Variants in GLYR1 observed in about 807,000 individuals in gnomAD.
GLYR1 encodes glyoxylate reductase 1 homolog.
Under a neutral mutation model 72.7 loss-of-function variants are expected in GLYR1, and 21 were observed. The observed-to-expected ratio is 0.29, with a 90% CI of 0.20 to 0.42. The LOEUF (loss-of-function observed/expected upper bound fraction) is 0.42. Ranked by LOEUF, GLYR1 falls within the 10% of genes least tolerant of loss-of-function variation. The probability of loss-of-function intolerance (pLI) is 1.00; values close to 1 mark genes in which losing one functional copy is unlikely to be tolerated. For synonymous variants in GLYR1, 392 were observed against 270.2 expected, an observed-to-expected ratio of 1.45 and a Z score of -4.42; for missense variants, 594 against 712.1, an observed-to-expected ratio of 0.83 and a Z score of 1.89.
intron 10 of GLYR1, among the ~76,000 whole-genome samples, chr16:4,815,789 A>AT (rs879945379): frequency 1.9e-3 from 278 of 146,728 alleles, no homozygotes; most frequent in African/African-American, 4.9e-3. Flanking sequence ...CAACTGTTTC[A>AT]TTTTTTTTTT....
chr16:4,821,576 T>A lies in GLYR1; in HGVS notation c.703A>T (p.Ile235Phe), dbSNP rs372944153. 8.7e-6 allele frequency: 14 copies of A among 1,613,936 alleles called. No individual in the cohort carries two copies. The South Asian group carries it at 1.5e-4, about 18-fold the overall frequency. The change falls in exon 8 of 16, where the codon ATC (isoleucine) becomes TTC (phenylalanine). Residue 235 changes from isoleucine to phenylalanine, a missense_variant. Around this residue, in one of 5 missense-constraint regions of GLYR1, gnomAD observed 252 missense variants for 211.3 expected, o/e 1.19. Transcript: ENST00000321919. Reference protein sequence around the residue: ...TEKPAVCYQAITKKLKICEEE... With the variant: ...TEKPAVCYQAFTKKLKICEEE... Reference sequence around the variant, plus strand: ...TCACATATTTTCAACTTCTTCGTGATTGCCTGGTAACAGACAGCTGGCTAA... The same window carrying A: ...TCACATATTTTCAACTTCTTCGTGAATGCCTGGTAACAGACAGCTGGCTAA...
intron 5 of GLYR1, among the ~76,000 whole-genome samples, chr16:4,830,800 C>T (rs1015401634): frequency 1.3e-4 from 20 of 152,208 alleles, no homozygotes; most frequent in African/African-American, 3.1e-4. Context: ...TGCTTTATCT[C>T]ATCTTGCTAG....
intron 2 of GLYR1, among the ~76,000 whole-genome samples, chr16:4,845,926 G>A (rs1198870437): frequency 1.3e-5 from 2 of 151,990 alleles, no homozygotes; most frequent in African/African-American, 2.4e-5. Flanking sequence ...AATTATTTCC[G>A]GGGTTAAAAA....
Position 4,830,092 on chromosome 16 carries a change from C to T in GLYR1, c.537+1887G>A, listed in dbSNP as rs1032058262. Among the ~76,000 whole-genome samples, 4 of 152,180 alleles carry T rather than the reference C, an allele frequency of 2.6e-5. No homozygotes were observed. The South Asian group carries it at 8.3e-4, about 32-fold the overall frequency. The stretch of plus-strand genomic sequence containing the variant: ...GTGCTAGGATTACAGGTGTGAGCTA[C>T]CATGCCTGGCCAATTTTTTAGTTTT... On this transcript the variant is annotated intron_variant, in intron 5 of 15. Transcript: ENST00000321919.
rs1216101090 is a variant in GLYR1 at position 4,805,233 on chromosome 16, A to G, written c.*3T>C. On this transcript the variant is annotated 3_prime_UTR_variant, in exon 16 of 16. Coordinates refer to ENST00000321919, the MANE Select transcript of GLYR1 (RefSeq NM_032569.4). ...GGAGGGGTGAGGGCGGGGTGTCGAC[A>G]GCTTAGTGTATGTAGGCTCGGTACA... 6.2e-7 allele frequency: 1 copy of G among 1,613,776 alleles called. No individual in the cohort carries two copies. Among genetic ancestry groups the G allele is most frequent in the Non-Finnish European group, 8.5e-7 (1 of 1,179,898 alleles).
At chr16:4,846,970 C>G in intron 1 of GLYR1, 1 of 516,114 alleles carries the variant, frequency 1.9e-6, no homozygotes, top group Non-Finnish European at 3.4e-6. Context: ...CCGCCAGTAT[C>G]TGGGCCCCGA....
intron 11 of GLYR1, 26 bp downstream of exon 11, chr16:4,814,511 G>A (rs771622747): frequency 2.6e-5 from 41 of 1,568,448 alleles, no homozygotes; most frequent in Non-Finnish European, 3.5e-5. Flanking sequence ...ACCCGGAGTT[G>A]CTGAGGGGAG....
chr16:4,823,031 G>A lies in GLYR1; in HGVS notation c.625-100C>T, dbSNP rs1211154321. 5 of 959,332 alleles carry A rather than the reference G, an allele frequency of 5.2e-6. No individual in the cohort carries two copies. In the Admixed American group the frequency reaches 5.5e-5, roughly 11 times the overall value. 59.4% of individuals were successfully genotyped at this position (959,332 alleles called of 1,614,324 possible). A position where few individuals can be genotyped will look rare whatever the true frequency, so the allele number is the denominator to read the frequency against. The stretch of plus-strand genomic sequence containing the variant: ...CTCTCCTCTGGCTGCAACACCTCTG[G>A]ATTCTGGTCTCTTTTTCACAATTGT... On this transcript the variant is annotated intron_variant, in intron 6 of 15. Transcript: ENST00000321919.
intron 10 of GLYR1, among the ~76,000 whole-genome samples, chr16:4,817,149 T>G (rs2083693102): frequency 1.3e-5 from 2 of 150,764 alleles, no homozygotes; most frequent in Non-Finnish European, 3.0e-5. Flanking sequence ...AGACGGAGTC[T>G]TGCTCTGTCG....
chr16:4,804,797 G>A lies in GLYR1; in HGVS notation c.*439C>T, dbSNP rs1469572258. ...CATGACTACAGCCTCTTCGCTCTGG[G>A]GGAAGCTGTGGGAAGGCTTCCAACT... On this transcript the variant is annotated 3_prime_UTR_variant, in exon 16 of 16. Transcript: ENST00000321919. The A allele has an allele frequency of 1.5e-5, 3 of 202,788 alleles. No homozygotes were observed. The highest frequency in any genetic ancestry group is 2.3e-5 in the African/African-American group (1 of 44,330). 12.6% of individuals were successfully genotyped at this position (202,788 alleles called of 1,614,324 possible).
rs1226047210 is a variant in GLYR1, at chr16:4,804,435, A to C, written c.*801T>G. On this transcript the variant is annotated 3_prime_UTR_variant, in exon 16 of 16. Transcript: ENST00000321919. ...ATGGAATGCAAATCCAAATACTAAA[A>C]CAGCCTAGGGAGGAGCGAGCGCCCG... The C allele has an allele frequency of 2.6e-5, 4 of 152,788 alleles. No individual in the cohort carries two copies. The highest frequency in any genetic ancestry group is 7.2e-5 in the African/African-American group (3 of 41,444). 9.5% of individuals were successfully genotyped at this position (152,788 alleles called of 1,614,324 possible). A position where few individuals can be genotyped will look rare whatever the true frequency, so the allele number is the denominator to read the frequency against.
At position 4,811,302 on chromosome 16, in the gene GLYR1, G is replaced by T; in HGVS notation, c.1463-8C>A. The T allele has an allele frequency of 1.2e-6, 2 of 1,612,438 alleles. No homozygotes were observed. The highest frequency in any genetic ancestry group is 1.1e-5 in the South Asian group (1 of 90,706). Reference sequence around the variant, plus strand: ...AGTTTCCTTGCAGGATATCTGAGGAGAAAAAGCCAGTATCAGACAAAAGCC... The same window carrying T: ...AGTTTCCTTGCAGGATATCTGAGGATAAAAAGCCAGTATCAGACAAAAGCC... On this transcript the variant is annotated splice_polypyrimidine_tract_variant and splice_region_variant and intron_variant, in intron 14 of 15. Coordinates refer to ENST00000321919, the MANE Select transcript of GLYR1 (RefSeq NM_032569.4).
chr16:4,809,188 GTTT>G (rs1263215689), intron 15 of GLYR1, among the ~76,000 whole-genome samples: 7 of 95,278 alleles, frequency 7.3e-5, no homozygotes, highest in Admixed American at 1.2e-4. Context: ...AGCAGCTTTC[GTTT>G]TTTTTTTTTT....
chr16:4,824,281 G>A (rs997236988), intron 5 of GLYR1, among the ~76,000 whole-genome samples: 10 of 151,990 alleles, frequency 6.6e-5, no homozygotes, highest in African/African-American at 2.2e-4. Context: ...TTGGGAGGCC[G>A]AGGCAGGCAG....
At chr16:4,806,269 A>T (rs2082962454) in intron 15 of GLYR1, among the ~76,000 whole-genome samples, 1 of 152,226 alleles carries the variant, frequency 6.6e-6, no homozygotes, top group East Asian at 1.9e-4. Context: ...ACCCTGCCTT[A>T]AAGGATGAGG....
chr16:4,846,068 T>C, intron 2 of GLYR1, 106 bp downstream of exon 2: 3 of 1,262,238 alleles, frequency 2.4e-6, no homozygotes, highest in Admixed American at 1.7e-5. Flanking sequence ...GCCATCTGAA[T>C]GAGCCCAATT....
chr16:4,827,886 C>T (rs776473997), intron 5 of GLYR1, among the ~76,000 whole-genome samples: 1 of 151,744 alleles, frequency 6.6e-6, no homozygotes, highest in Non-Finnish European at 1.5e-5. Flanking sequence ...GGCGACAGCA[C>T]GAGACTCCGT....
At chr16:4,838,887 A>G (rs925242542) in intron 3 of GLYR1, among the ~76,000 whole-genome samples, 1 of 151,976 alleles carries the variant, frequency 6.6e-6, no homozygotes, top group Non-Finnish European at 1.5e-5. Flanking sequence ...GTGCCTGGCC[A>G]AAACTCTTCT....
At chr16:4,823,164 G>C (rs1437215637) in intron 6 of GLYR1, among the ~76,000 whole-genome samples, 1 of 152,234 alleles carries the variant, frequency 6.6e-6, no homozygotes, top group East Asian at 1.9e-4. Context: ...GATTCTGCTA[G>C]GTTGGTACAC....
Sources: gnomAD v4.1 joint callset for allele counts (sites outside exome capture counted in the v4.1 genomes callset) on GRCh38, gnomAD v4.1.1 for gene constraint, gnomAD v4.1.1 regional missense constraint, MANE v1.5 for transcripts, NCBI Gene and HGNC (gene_info 2026-07-23, HGNC 2026-07-21) for gene names.